PCDHA5: variants seen among roughly 807,000 people sequenced by gnomAD.
PCDHA5 encodes the protein protocadherin alpha 5, also known as protocadherin alpha-5.
PCDHA5 carries 43 observed loss-of-function variants against 61.6 expected under a neutral mutation model. The observed-to-expected ratio is 0.70, with a 90% CI of 0.55 to 0.90. PCDHA5 has a LOEUF of 0.90. Among genes scored for constraint, PCDHA5 ranks in the 40% least tolerant of loss-of-function variants. PCDHA5 has a pLI of 0.00. For missense variants in PCDHA5, 1,298 were observed against 1,222.7 expected (o/e 1.06, Z -0.92); for synonymous variants, 627 against 543.9 (o/e 1.15, Z -2.13).
rs2150201609 is a variant in PCDHA5 at position 140,832,441 on chromosome 5, G to A, written c.2352+8314G>A. Among the ~76,000 whole-genome samples the A allele has an allele frequency of 2.6e-4, 40 of 152,204 alleles. No homozygotes were observed. In the East Asian group the frequency reaches 5.8e-3, roughly 22 times the overall value. ...AAGAAGTACATGATAATTTTTAAGC[G>A]TGTAATTAATATTGCACTAAAATTT... On this transcript the variant is annotated intron_variant, in intron 1 of 3. Coordinates refer to ENST00000529859, the MANE Select transcript of PCDHA5 (RefSeq NM_018908.3).
Position 140,821,919 on chromosome 5 carries a change from G to A in PCDHA5, c.144G>A (p.Ala48=), listed in dbSNP as rs190099815. The change falls in exon 1 of 4, where the codon GCG becomes GCA. Residue 48 remains alanine, a synonymous_variant. Coordinates refer to ENST00000529859, the MANE Select transcript of PCDHA5 (RefSeq NM_018908.3). ...ACGGAACCTTCGTTGGCCGCATCGC[G>A]CAGGACCTAGGGCTGGAGCTGGCGG... ...AKHGTFVGRI[A]QDLGLELAEL... 67 of 1,614,198 alleles carry A rather than the reference G, an allele frequency of 4.2e-5. No individual in the cohort carries two copies. Among genetic ancestry groups the A allele is most frequent in the Non-Finnish European group, 5.1e-5 (60 of 1,180,044 alleles).
At chr5:140,926,749 G>C (rs541261946) in intron 1 of PCDHA5, 4 of 1,237,260 alleles carry the variant, frequency 3.2e-6, no homozygotes, top group Non-Finnish European at 3.1e-6. Context: ...CAACGTCGGC[G>C]GTCGCTGAGT....
At chr5:140,841,556 C>A (rs2150318181) in intron 1 of PCDHA5, 1 of 1,613,884 alleles carries the variant, frequency 6.2e-7, no homozygotes, top group South Asian at 1.1e-5. Flanking sequence ...GGAGGTAAGT[C>A]TGCAGAATGG....
In PCDHA5 at chr5:140,858,048, C is replaced by G. The variant is rs1203574330; in HGVS notation, c.2352+33921C>G. 9.4e-6 allele frequency: 15 copies of G among 1,597,302 alleles called. 2 individuals carry two copies. Among genetic ancestry groups the G allele is most frequent in the Non-Finnish European group, 1.2e-5 (14 of 1,167,436 alleles). On this transcript the variant is annotated intron_variant, in intron 1 of 3. Transcript: ENST00000529859. ...ACGGCCACGGCCACTGTGCTTGTGT[C>G]GCTTGTGGAGGGCAGCCAGGCACCC...
chr5:140,876,063 G>T (rs1404065760), intron 1 of PCDHA5: 1 of 1,613,860 alleles, frequency 6.2e-7, no homozygotes, highest in East Asian at 2.2e-5. Flanking sequence ...TAGTTCTTCG[G>T]AAGTTATTGG....
In PCDHA5 at chr5:140,919,966, A is replaced by G. The variant is rs1472155046; in HGVS notation, c.2353-58983A>G. Among the ~76,000 whole-genome samples, 3 of 139,590 alleles carry G rather than the reference A, an allele frequency of 2.1e-5. No homozygotes were observed. The East Asian group carries it at 7.1e-4, about 33-fold the overall frequency. The allele number at this position is 139,590 out of a possible 152,430, so 91.6% of individuals were successfully genotyped here. On this transcript the variant is annotated intron_variant, in intron 1 of 3. Transcript: ENST00000529859. ...GTGAAAAGTTTGTTTTGTTTTTTAA[A>G]TAAGAGATAGAAGATGGAAAACAGA...
At chr5:140,917,332 G>GT (rs1293292013) in intron 1 of PCDHA5, among the ~76,000 whole-genome samples, 2 of 145,540 alleles carry the variant, frequency 1.4e-5, no homozygotes, top group Non-Finnish European at 3.0e-5. Flanking sequence ...GGCGGGGGAG[G>GT]GGGGGGATGG....
chr5:140,884,101 G>T lies in PCDHA5; in HGVS notation c.2352+59974G>T, dbSNP rs782222820. 6 of 1,613,486 alleles carry T rather than the reference G, an allele frequency of 3.7e-6. No individual in the cohort carries two copies. The highest frequency in any genetic ancestry group is 3.3e-4 in the Middle Eastern group (2 of 6,042). On this transcript the variant is annotated intron_variant, in intron 1 of 3. Coordinates refer to ENST00000529859, the MANE Select transcript of PCDHA5 (RefSeq NM_018908.3). ...ACAATGCGTGGCTTTCGTATGAATT[G>T]CAGCTGGCGGCGGTCGGCGCGCGCA...
At chr5:141,000,639 G>A (rs1375900945) in intron 3 of PCDHA5, among the ~76,000 whole-genome samples, 2 of 151,186 alleles carry the variant, frequency 1.3e-5, no homozygotes, top group East Asian at 1.9e-4. Flanking sequence ...TGTTGGGCAG[G>A]CTGGTCTCGA....
intron 1 of PCDHA5, among the ~76,000 whole-genome samples, chr5:140,939,679 T>A (rs2092435989): frequency 6.6e-6 from 1 of 152,196 alleles, no homozygotes; most frequent in South Asian, 2.1e-4. Context: ...TGTATGTATG[T>A]GTGTGTTGCT....
intron 1 of PCDHA5, among the ~76,000 whole-genome samples, chr5:140,945,880 A>G (rs1210743057): frequency 6.6e-6 from 1 of 152,136 alleles, no homozygotes; most frequent in Non-Finnish European, 1.5e-5. Flanking sequence ...TAAAACTAAC[A>G]AAGAAAACAC....
intron 1 of PCDHA5, among the ~76,000 whole-genome samples, chr5:140,933,899 G>T (rs2089496307): frequency 6.6e-6 from 1 of 151,508 alleles, no homozygotes; most frequent in African/African-American, 2.4e-5. Flanking sequence ...TGAATATTTT[G>T]GCATAAAGTT....
chr5:140,821,786 C>A lies in PCDHA5; in HGVS notation c.11C>A (p.Ser4Tyr). 1 of 1,611,088 alleles carries A rather than the reference C, an allele frequency of 6.2e-7. No individual in the cohort carries two copies. The highest frequency in any genetic ancestry group is 8.5e-7 in the Non-Finnish European group (1 of 1,178,408). The change falls in exon 1 of 4, where the codon TCC becomes TAC. Residue 4 changes from serine (S) to tyrosine (Y), a missense_variant. Physicochemically the swap from Ser to Tyr is moderately radical, Grantham distance 144. Transcript: ENST00000529859. MVY[S>Y]RRGSLGSRLL... Reference sequence around the variant, plus strand: ...TGGAACGAGATTGAGATGGTATATTCCCGGAGAGGAAGTCTGGGATCCCGG... The same window carrying A: ...TGGAACGAGATTGAGATGGTATATTACCGGAGAGGAAGTCTGGGATCCCGG...
intron 1 of PCDHA5, chr5:140,928,178 G>A: frequency 6.2e-7 from 1 of 1,614,192 alleles, no homozygotes. Context: ...AGCACCCGAA[G>A]GACAATCACT....
chr5:141,010,025 A>G lies in PCDHA5; in HGVS notation c.*88A>G. The G allele has an allele frequency of 6.4e-7, 1 of 1,573,940 alleles. No homozygotes were observed. The highest frequency in any genetic ancestry group is 2.2e-5 in the East Asian group (1 of 44,636). ...TAGCAATTCCCTGCTCCTTTTTCCT[A>G]TCTACATGAGCCCTCTTAGAGACCT... On this transcript the variant is annotated 3_prime_UTR_variant, in exon 4 of 4. Transcript: ENST00000529859.
At chr5:140,843,505 T>A (rs2150361332) in intron 1 of PCDHA5, 2 of 1,595,718 alleles carry the variant, frequency 1.3e-6, no homozygotes, top group Admixed American at 1.7e-5. Context: ...CACTGCCCAC[T>A]GAGGGCGGGT....
chr5:140,959,424 G>A (rs957625236), intron 1 of PCDHA5, among the ~76,000 whole-genome samples: 1 of 152,104 alleles, frequency 6.6e-6, no homozygotes, highest in Non-Finnish European at 1.5e-5. Context: ...CTGAGAATTT[G>A]TGTATTTTTT....
intron 1 of PCDHA5, chr5:140,882,751 T>C: frequency 6.2e-7 from 1 of 1,614,242 alleles, no homozygotes; most frequent in Non-Finnish European, 8.5e-7. Flanking sequence ...CCGATGCAGA[T>C]ATTGGAGTAA....
At chr5:140,884,166 C>A in intron 1 of PCDHA5, 1 of 1,613,430 alleles carries the variant, frequency 6.2e-7, no homozygotes, top group Non-Finnish European at 8.5e-7. Context: ...GAGATCAGCA[C>A]GACGCGCCCT....
Sources: allele counts gnomAD v4.1 joint callset (sites outside exome capture counted in the v4.1 genomes callset), GRCh38; gene constraint gnomAD v4.1.1; transcripts MANE v1.5; gene names NCBI Gene and HGNC (gene_info 2026-07-23, HGNC 2026-07-21).